CFAP20DC: variants seen among roughly 807,000 people sequenced by gnomAD.
CFAP20DC encodes the protein protein CFAP20DC.
In CFAP20DC, 84 loss-of-function variants were observed where a neutral mutation model predicts 101.7. The observed-to-expected ratio is 0.83, with a 90% CI of 0.69 to 0.99. The LOEUF is 0.99. Among genes scored for constraint, CFAP20DC ranks in the 50% least tolerant of loss-of-function variants. The probability of loss-of-function intolerance (pLI) is 0.00; values close to 1 mark genes in which losing one functional copy is unlikely to be tolerated. For missense variants in CFAP20DC, 1,007 were observed against 970.3 expected (o/e 1.04, Z -0.50); for synonymous variants, 359 against 351.2 (o/e 1.02, Z -0.25).
Position 58,849,001 on chromosome 3 carries a change from G to A in CFAP20DC, c.1971+31C>T, listed in dbSNP as rs764805118. ...ACGGAACACAGCAGGATGTATTGCC[G>A]GCATCTGTAAACCACACGGGAACCA... is the stretch of plus-strand genomic sequence containing the variant. On this transcript the variant is annotated intron_variant, in intron 13 of 16. Coordinates refer to ENST00000482387, the MANE Select transcript of CFAP20DC (RefSeq NM_001394063.1). The A allele has an allele frequency of 1.8e-5, 27 of 1,523,766 alleles. No individual in the cohort carries two copies. In the African/African-American group the frequency reaches 1.9e-4, roughly 11 times the overall value. 94.4% of individuals were successfully genotyped at this position (1,523,766 alleles called of 1,614,324 possible).
intron 12 of CFAP20DC, chr3:58,862,744 G>C: frequency 1.0e-6 from 1 of 970,796 alleles, no homozygotes; most frequent in Non-Finnish European, 1.2e-6. Flanking sequence ...ATATAGAAAA[G>C]CTTTGTACAT....
At chr3:58,782,108 A>G (rs1036955362) in intron 15 of CFAP20DC, among the ~76,000 whole-genome samples, 8 of 152,120 alleles carry the variant, frequency 5.3e-5, no homozygotes, top group Non-Finnish European at 1.5e-5. Context: ...CTAGGGATGC[A>G]AGGATCAACC....
chr3:58,854,091 G>T (rs982568188), intron 12 of CFAP20DC, among the ~76,000 whole-genome samples: 1 of 152,288 alleles, frequency 6.6e-6, no homozygotes, highest in African/African-American at 2.4e-5. Flanking sequence ...AAACCCCATT[G>T]TCTCAGCCCA....
intron 5 of CFAP20DC, among the ~76,000 whole-genome samples, chr3:58,917,385 T>C (rs1004341413): frequency 2.0e-5 from 3 of 152,186 alleles, no homozygotes; most frequent in Non-Finnish European, 4.4e-5. Flanking sequence ...GCCATTACTA[T>C]AGAAAAGATC....
chr3:58,945,366 T>C (rs1240451702), intron 4 of CFAP20DC, among the ~76,000 whole-genome samples: 1 of 152,196 alleles, frequency 6.6e-6, no homozygotes, highest in Non-Finnish European at 1.5e-5. Flanking sequence ...CCCTACACTG[T>C]GTTTGAATGG....
chr3:58,847,544 T>C (rs1399326603), intron 13 of CFAP20DC, among the ~76,000 whole-genome samples: 62 of 152,042 alleles, frequency 4.1e-4, no homozygotes, highest in African/African-American at 1.3e-3. Context: ...TGTGGAGAAA[T>C]AGGAACACTT....
At chr3:58,998,601 C>T (rs1315897777) in intron 4 of CFAP20DC, among the ~76,000 whole-genome samples, 1 of 151,976 alleles carries the variant, frequency 6.6e-6, no homozygotes, top group Non-Finnish European at 1.5e-5. Flanking sequence ...ACAAACAGCC[C>T]CTGCTCCTAT....
intron 4 of CFAP20DC, among the ~76,000 whole-genome samples, chr3:58,952,184 C>T (rs770217683): frequency 2.0e-5 from 3 of 152,126 alleles, no homozygotes; most frequent in Non-Finnish European, 4.4e-5. Context: ...TTCAGTGATA[C>T]GTTATTACAG....
intron 15 of CFAP20DC, among the ~76,000 whole-genome samples, chr3:58,760,710 G>T (rs146451959): frequency 0.083 from 12,577 of 152,036 alleles, 890 homozygotes; most frequent in East Asian, 0.35. Flanking sequence ...ATACATCCCA[G>T]CAATACCTAA....
At chr3:58,748,291 C>A (rs1345994929) in intron 16 of CFAP20DC, among the ~76,000 whole-genome samples, 1 of 152,126 alleles carries the variant, frequency 6.6e-6, no homozygotes, top group Non-Finnish European at 1.5e-5. Context: ...AAGGTATCAA[C>A]GTTGAGCTAT....
chr3:58,761,276 G>A (rs7432053), intron 15 of CFAP20DC, among the ~76,000 whole-genome samples: 12,550 of 152,108 alleles, frequency 0.083, 877 homozygotes, highest in East Asian at 0.35. Flanking sequence ...GGGTGTATGT[G>A]TCGAGGAATT....
rs2082977651 is a variant in CFAP20DC, at chr3:58,899,682, C to T, written c.550+14026G>A. Among the ~76,000 whole-genome samples, 1 of 152,128 alleles carries T rather than the reference C, an allele frequency of 6.6e-6. No individual in the cohort carries two copies. The highest frequency in any genetic ancestry group is 2.4e-5 in the African/African-American group (1 of 41,436). On this transcript the variant is annotated intron_variant, in intron 6 of 16. Coordinates refer to ENST00000482387, the MANE Select transcript of CFAP20DC (RefSeq NM_001394063.1). This position sits in a 1 kb window ranked among gnomAD's most constrained non-coding sequence, Gnocchi z 5.0. The stretch of plus-strand genomic sequence containing the variant: ...CGTGGGAGGGGTGTGGTTTCCTGGG[C>T]AGGACTGCACAATCACTCACCGCTT...
At chr3:58,923,161 C>A (rs1038484194) in intron 5 of CFAP20DC, among the ~76,000 whole-genome samples, 2 of 152,070 alleles carry the variant, frequency 1.3e-5, no homozygotes, top group African/African-American at 4.8e-5. Context: ...CCCACCTCAG[C>A]CTCCCATAGT....
chr3:58,804,255 TAGAATTAGGATG>T (rs1436321652), intron 15 of CFAP20DC, among the ~76,000 whole-genome samples: 1 of 152,164 alleles, frequency 6.6e-6, no homozygotes, highest in Non-Finnish European at 1.5e-5. Context: ...TACTATGTTA[TAGAATTAGGATG>T]AGAATTAGGT....
rs1211613401 is a variant in CFAP20DC, at chr3:58,812,456, CA to C, written c.2176-6001del. 4.7e-5 allele frequency among the ~76,000 whole-genome samples: 7 copies of C among 150,074 alleles called. No homozygotes were observed. The South Asian group carries it at 8.4e-4, about 18-fold the overall frequency. ...CATTCTCAGTAAACTATCGCAAGAA[CA>C]AAAAACCAAACACCGCATATTCTCA... is the stretch of plus-strand genomic sequence containing the variant. On this transcript the variant is annotated intron_variant, in intron 14 of 16. Transcript: ENST00000482387.
chr3:58,852,800 CA>C (rs1321559298), intron 12 of CFAP20DC, among the ~76,000 whole-genome samples: 1 of 150,852 alleles, frequency 6.6e-6, no homozygotes, highest in African/African-American at 2.4e-5. Flanking sequence ...AACAAAGACA[CA>C]ACATACCAGA....
In CFAP20DC at chr3:58,897,706, C is replaced by A. The variant is rs2082782727; in HGVS notation, c.551-12997G>T. Among the ~76,000 whole-genome samples, 2 of 152,172 alleles carry A rather than the reference C, an allele frequency of 1.3e-5. No individual in the cohort carries two copies. Among genetic ancestry groups the A allele is most frequent in the South Asian group, 4.1e-4 (2 of 4,826 alleles). ...TTTCTTAAGAATGTTGAATTTGTTT[C>A]CCAATCTCTTCTGGCTTGTAGGGTT... On this transcript the variant is annotated intron_variant, in intron 6 of 16. Coordinates refer to ENST00000482387, the MANE Select transcript of CFAP20DC (RefSeq NM_001394063.1). The surrounding 1 kb of genome is among the most constrained non-coding windows in gnomAD (Gnocchi z 4.4).
chr3:58,945,931 G>A (rs1219676551), intron 4 of CFAP20DC, among the ~76,000 whole-genome samples: 1 of 151,302 alleles, frequency 6.6e-6, no homozygotes. Context: ...TCCTGACCTC[G>A]TGATCGGCCC....
chr3:58,723,180 G>T (rs1243699311), intron 3 of CFAP20DC, among the ~76,000 whole-genome samples: 1 of 152,208 alleles, frequency 6.6e-6, no homozygotes, highest in African/African-American at 2.4e-5. Context: ...TTGCACTTCA[G>T]GTGGTAAAAC....
Sources: gnomAD v4.1 joint callset for allele counts (sites outside exome capture counted in the v4.1 genomes callset) on GRCh38, gnomAD v4.1.1 for gene constraint, Gnocchi (gnomAD v3.1) non-coding constraint, MANE v1.5 for transcripts, NCBI Gene and HGNC (gene_info 2026-07-23, HGNC 2026-07-21) for gene names.